The following VCF2 variants were observed in gnomAD, a reference collection of about 807,000 sequenced individuals.
VCF2 encodes protein VCF2.
chrX:55,152,187 G>A, the VCF2 span, among the ~76,000 whole-genome samples: 5 of 111,580 alleles, frequency 4.5e-5, 1 homozygote, highest in African/African-American at 1.6e-4. Context: ...CACCGTGCCC[G>A]GCCAAGCTGT....
the VCF2 span, among the ~76,000 whole-genome samples, chrX:55,144,114 TA>T: frequency 9.2e-3 from 1,024 of 111,609 alleles, 8 homozygotes; most frequent in African/African-American, 0.032. Flanking sequence ...TATCTTTAAA[TA>T]GGGGGAATGA....
chrX:55,154,654 C>G, the VCF2 span, among the ~76,000 whole-genome samples: 2 of 111,924 alleles, frequency 1.8e-5, no homozygotes, highest in Non-Finnish European at 3.8e-5. Context: ...TACCTGTAAC[C>G]AAAGAAACTT....
chrX:55,153,947 C>CCTATATTATG, the VCF2 span, among the ~76,000 whole-genome samples: 1 of 111,400 alleles, frequency 9.0e-6, no homozygotes, highest in Non-Finnish European at 1.9e-5. Flanking sequence ...ATAAACATAG[C>CCTATATTATG]CTATATTATG....
At chrX:55,143,802 G>T in the VCF2 span, 1 of 1,203,081 alleles carries the variant, frequency 8.3e-7, no homozygotes, top group African/African-American at 1.8e-5. Context: ...TTCCTTCCCT[G>T]CTGTGAAGTA....
the VCF2 span, among the ~76,000 whole-genome samples, chrX:55,147,634 G>GT: frequency 0.44 from 23,524 of 53,990 alleles, 5,644 homozygotes; most frequent in Non-Finnish European, 0.52. Flanking sequence ...GGCTTTCCTT[G>GT]TTTTTTTTTT....
chrX:55,146,641 C>T, the VCF2 span, among the ~76,000 whole-genome samples: 1 of 111,641 alleles, frequency 9.0e-6, no homozygotes, highest in African/African-American at 3.3e-5. Flanking sequence ...ATTCCAATAA[C>T]TGCATCAGAG....
At chrX:55,143,158 G>A in the VCF2 span, 4 of 111,300 alleles carry the variant, frequency 3.6e-5, no homozygotes, top group African/African-American at 1.3e-4. Context: ...AGCTTTCACA[G>A]CGTGGAAGGG....
chrX:55,146,841 T>C, the VCF2 span, among the ~76,000 whole-genome samples: 3 of 112,659 alleles, frequency 2.7e-5, no homozygotes, highest in Non-Finnish European at 5.6e-5. Flanking sequence ...ATCCTGATGG[T>C]GGACATGTAT....
At chrX:55,157,886 A>G in the VCF2 span, among the ~76,000 whole-genome samples, 1 of 112,425 alleles carries the variant, frequency 8.9e-6, no homozygotes, top group South Asian at 3.7e-4. Flanking sequence ...GGCAAGTTAG[A>G]CACACTTGTA....
At chrX:55,149,191 T>C in the VCF2 span, among the ~76,000 whole-genome samples, 7 of 108,945 alleles carry the variant, frequency 6.4e-5, no homozygotes, top group Admixed American at 2.0e-4. Context: ...TTTTTTTTTT[T>C]CTTGCCTTTT....
At chrX:55,160,534 T>G in the VCF2 span, among the ~76,000 whole-genome samples, 3 of 112,387 alleles carry the variant, frequency 2.7e-5, no homozygotes, top group African/African-American at 9.7e-5. Context: ...TCACAGAATA[T>G]GATTAATGGT....
chrX:55,154,953 G>A, the VCF2 span, among the ~76,000 whole-genome samples: 1 of 112,807 alleles, frequency 8.9e-6, no homozygotes, highest in East Asian at 2.8e-4. Context: ...ACAGCATCAA[G>A]CTATTGCAAT....
At chrX:55,152,323 T>A in the VCF2 span, among the ~76,000 whole-genome samples, 1 of 112,362 alleles carries the variant, frequency 8.9e-6, no homozygotes, top group Non-Finnish European at 1.9e-5. Context: ...CAGAGTAATA[T>A]GGCCTATATT....
At chrX:55,146,645 A>G in the VCF2 span, among the ~76,000 whole-genome samples, 1 of 112,361 alleles carries the variant, frequency 8.9e-6, no homozygotes, top group Non-Finnish European at 1.9e-5. Flanking sequence ...CAATAACTGC[A>G]TCAGAGAAGT....
chrX:55,151,171 C>CT, the VCF2 span, among the ~76,000 whole-genome samples: 1 of 112,316 alleles, frequency 8.9e-6, no homozygotes, highest in Non-Finnish European at 1.9e-5. Flanking sequence ...TGATAAGACT[C>CT]TGTTTTCTTT....
chrX:55,160,793 C>T, the VCF2 span: 1 of 1,138,470 alleles, frequency 8.8e-7, no homozygotes, highest in Non-Finnish European at 1.2e-6. Flanking sequence ...ATGCTATTGT[C>T]CACTGACTGA....
At chrX:55,158,438 A>AATAC in the VCF2 span, among the ~76,000 whole-genome samples, 2 of 111,963 alleles carry the variant, frequency 1.8e-5, no homozygotes, top group African/African-American at 6.5e-5. Context: ...AGGGGTATAA[A>AATAC]ATACAGTTAG....
the VCF2 span, among the ~76,000 whole-genome samples, chrX:55,155,938 CTTCTTTTTTTTTTTTT>C: frequency 1.1e-5 from 1 of 91,040 alleles, no homozygotes; most frequent in Non-Finnish European, 2.2e-5. Flanking sequence ...CTTTCTTCTT[CTTCTTTTTTTTTTTTT>C]TTTTTTTGAG....
the VCF2 span, among the ~76,000 whole-genome samples, chrX:55,148,687 T>C: frequency 9.0e-6 from 1 of 111,490 alleles, no homozygotes; most frequent in East Asian, 2.8e-4. Context: ...TATAATAGTC[T>C]TTTTAGAGAT....
Sources: allele counts gnomAD v4.1 joint callset (sites outside exome capture counted in the v4.1 genomes callset), GRCh38; gene constraint gnomAD v4.1.1; transcripts MANE v1.5; gene names NCBI Gene and HGNC (gene_info 2026-07-23, HGNC 2026-07-21).